The following MED13L variants were observed in gnomAD, a reference collection of about 807,000 sequenced individuals.
The protein encoded by MED13L is mediator complex subunit 13L, also known as mediator of RNA polymerase II transcription subunit 13-like.
In MED13L, 7 loss-of-function variants were observed where a neutral mutation model predicts 220.9. The observed-to-expected ratio is 0.03, with a 90% CI of 0.02 to 0.06. MED13L has a LOEUF of 0.06. MED13L is among the 10% of genes least tolerant of loss of function. The pLI is 1.00. For synonymous variants in MED13L, 1,011 were observed against 1,015.2 expected (o/e 1.00, Z 0.08); for missense variants, 1,965 against 2,760.5 (o/e 0.71, Z 6.46).
chr12:115,992,695 A>T (rs1878145194), intron 16 of MED13L, among the ~76,000 whole-genome samples: 1 of 152,230 alleles, frequency 6.6e-6, no homozygotes, highest in African/African-American at 2.4e-5. Flanking sequence ...ACTGTATCAG[A>T]GTTTCCAGCT....
At chr12:115,989,944 CT>C (rs1216995003) in intron 17 of MED13L, among the ~76,000 whole-genome samples, 2 of 152,130 alleles carry the variant, frequency 1.3e-5, no homozygotes, top group Non-Finnish European at 2.9e-5. Context: ...GTTATTTTTC[CT>C]TTTTAACTAC....
chr12:116,059,883 TA>T (rs1869297788), intron 4 of MED13L, among the ~76,000 whole-genome samples: 1 of 152,222 alleles, frequency 6.6e-6, no homozygotes, highest in African/African-American at 2.4e-5. Flanking sequence ...AAAAAGGCTT[TA>T]AATTATTATT....
chr12:116,206,630 T>C (rs572397668), intron 2 of MED13L, among the ~76,000 whole-genome samples: 16 of 152,252 alleles, frequency 1.1e-4, no homozygotes, highest in South Asian at 6.2e-4. Context: ...CCTTTTTTTT[T>C]CAAACACCTG....
intron 3 of MED13L, among the ~76,000 whole-genome samples, chr12:116,105,388 G>A (rs183347731): frequency 5.4e-4 from 82 of 152,204 alleles, no homozygotes; most frequent in African/African-American, 1.7e-3. Flanking sequence ...ATCATTCTGC[G>A]CATTTTATCA....
intron 2 of MED13L, among the ~76,000 whole-genome samples, chr12:116,213,031 G>A (rs1052051553): frequency 6.6e-6 from 1 of 152,096 alleles, no homozygotes; most frequent in African/African-American, 2.4e-5. Context: ...CTCAATACTA[G>A]CATCTAAAAA....
At chr12:116,033,687 C>T (rs944629975) in intron 4 of MED13L, among the ~76,000 whole-genome samples, 2 of 152,122 alleles carry the variant, frequency 1.3e-5, no homozygotes, top group South Asian at 2.1e-4. Flanking sequence ...CACCTTGGAG[C>T]TTCCCTAGAT....
chr12:115,966,937 T>C (rs1197505639), intron 28 of MED13L, among the ~76,000 whole-genome samples: 3 of 152,110 alleles, frequency 2.0e-5, no homozygotes, highest in Non-Finnish European at 4.4e-5. Context: ...TTTGTGAGGC[T>C]GAGGCGGACA....
chr12:116,039,927 A>C (rs1881423311), intron 4 of MED13L, among the ~76,000 whole-genome samples: 1 of 152,156 alleles, frequency 6.6e-6, no homozygotes, highest in South Asian at 2.1e-4. Flanking sequence ...ATTTAAAGGC[A>C]GTAGGGTGAG....
Position 115,960,814 on chromosome 12 carries a change from A to G in MED13L, c.*452T>C, listed in dbSNP as rs1875709069. On this transcript the variant is annotated 3_prime_UTR_variant, in exon 31 of 31. Transcript: ENST00000281928. ...ACTTGAGCTGGTTCTTATTTTTAAAAAGTCCCAGATTATGGAGTTCAGGTA... is the reference window on the plus strand; with the variant it reads ...ACTTGAGCTGGTTCTTATTTTTAAAGAGTCCCAGATTATGGAGTTCAGGTA... 4.5e-6 allele frequency: 1 copy of G among 221,918 alleles called. No homozygotes were observed. Among genetic ancestry groups the G allele is most frequent in the South Asian group, 7.9e-5 (1 of 12,730 alleles). 13.7% of individuals were successfully genotyped at this position (221,918 alleles called of 1,614,324 possible). A position where few individuals can be genotyped will look rare whatever the true frequency, so the allele number is the denominator to read the frequency against.
chr12:116,184,823 A>T (rs1023880589), intron 2 of MED13L, among the ~76,000 whole-genome samples: 1 of 152,202 alleles, frequency 6.6e-6, no homozygotes, highest in Non-Finnish European at 1.5e-5. Flanking sequence ...CATTTCTATT[A>T]AAGTTTCAAT....
intron 2 of MED13L, among the ~76,000 whole-genome samples, chr12:116,139,247 A>G (rs1194286298): frequency 1.3e-5 from 2 of 152,260 alleles, no homozygotes; most frequent in African/African-American, 4.8e-5. Context: ...AACTTTATAC[A>G]GTGTCCTATA....
At position 116,081,712 on chromosome 12, in the gene MED13L, C is replaced by A. The variant is rs550260197; in HGVS notation, c.479+14957G>T. The stretch of plus-strand genomic sequence containing the variant: ...TGAGACCCTGTCTCTACAAAAAATA[C>A]AAAAATTAGCCAGACATGGTGGCAC... On this transcript the variant is annotated intron_variant, in intron 4 of 30. Transcript: ENST00000281928. 9.7e-4 allele frequency among the ~76,000 whole-genome samples: 147 copies of A among 152,174 alleles called. 1 individual carries two copies. The highest frequency in any genetic ancestry group is 3.4e-3 in the African/African-American group (143 of 41,520).
chr12:116,068,225 C>A (rs1870102519), intron 4 of MED13L, among the ~76,000 whole-genome samples: 1 of 152,290 alleles, frequency 6.6e-6, no homozygotes, highest in South Asian at 2.1e-4. Context: ...TCAGATGCAT[C>A]TGACAGCTGA....
chr12:116,085,319 T>C (rs748060596), intron 4 of MED13L, among the ~76,000 whole-genome samples: 4 of 146,310 alleles, frequency 2.7e-5, no homozygotes, highest in Non-Finnish European at 6.2e-5. Context: ...AACCACTCAA[T>C]AATGAATAAC....
At chr12:116,192,037 T>C (rs1881322482) in intron 2 of MED13L, among the ~76,000 whole-genome samples, 2 of 152,196 alleles carry the variant, frequency 1.3e-5, no homozygotes, top group South Asian at 2.1e-4. Context: ...AATATTAATA[T>C]CCAAATGCTA....
At chr12:116,055,727 T>G (rs1391525619) in intron 4 of MED13L, among the ~76,000 whole-genome samples, 1 of 152,006 alleles carries the variant, frequency 6.6e-6, no homozygotes, top group Non-Finnish European at 1.5e-5. Context: ...AAACCCTGTC[T>G]CTACAAAACT....
chr12:116,140,448 A>G (rs910917688), intron 2 of MED13L, among the ~76,000 whole-genome samples: 3 of 152,146 alleles, frequency 2.0e-5, no homozygotes, highest in African/African-American at 7.2e-5. Context: ...CTCTAGTTAC[A>G]CAGTGACAAA....
At chr12:116,091,515 T>C (rs1371448303) in intron 4 of MED13L, among the ~76,000 whole-genome samples, 3 of 152,224 alleles carry the variant, frequency 2.0e-5, no homozygotes, top group East Asian at 1.9e-4. Flanking sequence ...ACACGAAAGA[T>C]ACTTTTTAAA....
At chr12:115,986,959 T>C in intron 18 of MED13L, 150 bp downstream of exon 18, 2 of 863,310 alleles carry the variant, frequency 2.3e-6, no homozygotes, top group Non-Finnish European at 3.5e-6. Flanking sequence ...AAAGTAACTT[T>C]AGGAAAACAA....
Sources: gnomAD v4.1 joint callset for allele counts (sites outside exome capture counted in the v4.1 genomes callset) on GRCh38, gnomAD v4.1.1 for gene constraint, MANE v1.5 for transcripts, NCBI Gene and HGNC (gene_info 2026-07-23, HGNC 2026-07-21) for gene names.